APBB2: variants seen among roughly 807,000 people sequenced by gnomAD.
APBB2 encodes the protein amyloid beta precursor protein binding family B member 2, also known as Fe65-like 1.
A neutral mutation model predicts 82.5 loss-of-function variants in APBB2; 38 were observed. That is an observed-to-expected ratio of 0.46 (90% CI 0.36 to 0.60). The LOEUF (loss-of-function observed/expected upper bound fraction) is 0.60, where lower values mean the gene tolerates loss of function less well. APBB2 is among the 20% of genes least tolerant of loss of function. The probability of loss-of-function intolerance (pLI) is 0.00; values close to 1 mark genes in which losing one functional copy is unlikely to be tolerated. For missense variants in APBB2, 772 were observed against 972.3 expected, an observed-to-expected ratio of 0.79 and a Z score of 2.74; for synonymous variants, 341 against 368.2, an observed-to-expected ratio of 0.93 and a Z score of 0.85.
chr4:41,121,809 G>A lies in APBB2; in HGVS notation c.-260-21059C>T, dbSNP rs552250644. 3.3e-5 allele frequency among the ~76,000 whole-genome samples: 5 copies of A among 152,240 alleles called. No individual in the cohort carries two copies. The South Asian group carries it at 1.0e-3, about 32-fold the overall frequency. The stretch of plus-strand genomic sequence containing the variant: ...GCTTGGCTATTACTAGCCCCCGGAT[G>A]CAGCCACGTCTTTGTGGCTCCTATA... On this transcript the variant is annotated intron_variant, in intron 2 of 17. Coordinates refer to ENST00000508593, the MANE Select transcript of APBB2 (RefSeq NM_004307.2).
chr4:41,039,402 G>GT (rs1462155832), intron 4 of APBB2, among the ~76,000 whole-genome samples: 1 of 152,126 alleles, frequency 6.6e-6, no homozygotes, highest in Non-Finnish European at 1.5e-5. Context: ...CTTAAATCCT[G>GT]TATGATCCTG....
chr4:41,074,511 C>T (rs1476527109), intron 3 of APBB2, among the ~76,000 whole-genome samples: 2 of 152,124 alleles, frequency 1.3e-5, no homozygotes, highest in Non-Finnish European at 2.9e-5. Context: ...AGAACTTCTA[C>T]ATACTCTCAA....
intron 6 of APBB2, among the ~76,000 whole-genome samples, chr4:40,992,360 A>AC (rs1560474874): frequency 1.1e-4 from 2 of 18,270 alleles, no homozygotes; most frequent in South Asian, 3.5e-3. Flanking sequence ...TTTGGTAGAG[A>AC]TGGGGGGGGG....
At chr4:41,085,461 C>G (rs1400969341) in intron 3 of APBB2, among the ~76,000 whole-genome samples, 1 of 151,976 alleles carries the variant, frequency 6.6e-6, no homozygotes, top group Non-Finnish European at 1.5e-5. Context: ...AGCTTTCATC[C>G]CTAAGTTCAC....
chr4:41,091,699 A>G (rs1033470199), intron 3 of APBB2, among the ~76,000 whole-genome samples: 1 of 152,112 alleles, frequency 6.6e-6, no homozygotes, highest in African/African-American at 2.4e-5. Flanking sequence ...GCTCATGATT[A>G]TTTCTTTCTT....
rs538308717 is a variant in APBB2 at position 40,940,303 on chromosome 4, A to G, written c.1044+4562T>C. ...TAAAAATAGGGAGGCTATAGTCATT[A>G]GAGGACCTGCTGTCCTACTTACTCA... On this transcript the variant is annotated intron_variant, in intron 7 of 17. Transcript: ENST00000508593. 5.9e-5 allele frequency among the ~76,000 whole-genome samples: 9 copies of G among 152,318 alleles called. No homozygotes were observed. In the South Asian group the frequency reaches 1.9e-3, roughly 32 times the overall value.
chr4:40,917,664 A>G (rs548578951), intron 10 of APBB2, among the ~76,000 whole-genome samples: 1 of 152,358 alleles, frequency 6.6e-6, no homozygotes, highest in African/African-American at 2.4e-5. Flanking sequence ...CAATTTTATC[A>G]GAGAGGGAAT....
intron 17 of APBB2, among the ~76,000 whole-genome samples, chr4:40,819,182 TTTTTTTC>T (rs1266576956): frequency 1.0e-5 from 1 of 97,896 alleles, no homozygotes; most frequent in Non-Finnish European, 2.3e-5. Context: ...CTCTCTTTTT[TTTTTTTC>T]TTTTTTTTTT....
intron 3 of APBB2, among the ~76,000 whole-genome samples, chr4:41,073,136 C>A (rs944660350): frequency 2.6e-5 from 4 of 152,166 alleles, no homozygotes; most frequent in Non-Finnish European, 5.9e-5. Flanking sequence ...ACTTTCACCA[C>A]CCCAGATAAG....
chr4:40,991,025 T>TTTTTTTTTTTTG (rs1801909301), intron 6 of APBB2, among the ~76,000 whole-genome samples: 1 of 150,708 alleles, frequency 6.6e-6, no homozygotes, highest in Admixed American at 6.6e-5. Flanking sequence ...TTTTTTTTTT[T>TTTTTTTTTTTTG]GGAGGCAAGG....
At chr4:40,921,320 G>A (rs1781203587) in intron 10 of APBB2, among the ~76,000 whole-genome samples, 1 of 152,208 alleles carries the variant, frequency 6.6e-6, no homozygotes, top group Admixed American at 6.5e-5. Context: ...CATAATATAT[G>A]TGTGATTTTA....
intron 1 of APBB2, among the ~76,000 whole-genome samples, chr4:41,189,870 G>C (rs1482167215): frequency 1.3e-5 from 2 of 152,160 alleles, no homozygotes; most frequent in Admixed American, 6.5e-5. Flanking sequence ...GAACCCCTGG[G>C]AGACAGGCCT....
At chr4:41,062,824 C>T (rs560333366) in intron 4 of APBB2, among the ~76,000 whole-genome samples, 211 of 152,258 alleles carry the variant, frequency 1.4e-3, no homozygotes, top group African/African-American at 4.8e-3. Flanking sequence ...AGATAGTTTT[C>T]TCCTAAAGAG....
At chr4:41,172,270 T>C (rs1768503903) in intron 1 of APBB2, among the ~76,000 whole-genome samples, 1 of 150,584 alleles carries the variant, frequency 6.6e-6, no homozygotes, top group Non-Finnish European at 1.5e-5. Context: ...CGATCATTAC[T>C]TCAAGGGCTT....
At chr4:40,903,608 C>A (rs995675650) in intron 10 of APBB2, among the ~76,000 whole-genome samples, 1 of 152,062 alleles carries the variant, frequency 6.6e-6, no homozygotes, top group Non-Finnish European at 1.5e-5. Context: ...AGGGTGTTAC[C>A]CTTCTGCTGA....
At chr4:40,885,521 T>A (rs1366931230) in intron 12 of APBB2, among the ~76,000 whole-genome samples, 1 of 152,202 alleles carries the variant, frequency 6.6e-6, no homozygotes, top group Non-Finnish European at 1.5e-5. Context: ...CTCGCAAGAC[T>A]GTTATTAAAA....
intron 10 of APBB2, among the ~76,000 whole-genome samples, chr4:40,915,722 T>C (rs1190205465): frequency 3.9e-5 from 6 of 151,916 alleles, no homozygotes; most frequent in Non-Finnish European, 5.9e-5. Context: ...AGAGAAGATT[T>C]ATGAAGTCTG....
intron 6 of APBB2, among the ~76,000 whole-genome samples, chr4:40,994,253 C>T (rs1183476678): frequency 2.0e-5 from 3 of 149,468 alleles, no homozygotes; most frequent in African/African-American, 7.4e-5. Context: ...CGCCACTGCA[C>T]TCCAGCCTGG....
intron 10 of APBB2, among the ~76,000 whole-genome samples, chr4:40,912,181 C>T (rs181724226): frequency 5.9e-4 from 90 of 152,300 alleles, no homozygotes; most frequent in Non-Finnish European, 1.9e-4. Context: ...TTAAATCCAA[C>T]CCCTGGCAGT....
Sources: allele counts gnomAD v4.1 joint callset (sites outside exome capture counted in the v4.1 genomes callset), GRCh38; gene constraint gnomAD v4.1.1; transcripts MANE v1.5; gene names NCBI Gene and HGNC (gene_info 2026-07-23, HGNC 2026-07-21).